ARHGEF33: variants seen among roughly 807,000 people sequenced by gnomAD.
The protein encoded by ARHGEF33 is DH and coiled-coil domain-containing protein ENSP00000381780.
ARHGEF33 carries 72 observed loss-of-function variants against 101.9 expected under a neutral mutation model. The observed-to-expected ratio is 0.71, with a 90% CI of 0.58 to 0.86. The LOEUF is 0.86. ARHGEF33 is among the 40% of genes least tolerant of loss of function. The pLI, the probability that ARHGEF33 is intolerant of heterozygous loss-of-function variation, is 0.00. For synonymous variants in ARHGEF33, 499 were observed against 442.5 expected (o/e 1.13, Z -1.60); for missense variants, 1,169 against 1,111.3 (o/e 1.05, Z -0.74).
chr2:38,957,962 T>G, intron 14 of ARHGEF33, 72 bp from the exon 15 acceptor site: 1 of 1,493,766 alleles, frequency 6.7e-7, no homozygotes, highest in Non-Finnish European at 9.1e-7. Flanking sequence ...TCTATCTTTT[T>G]TGGCATAATA....
At chr2:38,953,807 G>A (rs1374688529) in intron 12 of ARHGEF33, among the ~76,000 whole-genome samples, 2 of 152,176 alleles carry the variant, frequency 1.3e-5, no homozygotes, top group African/African-American at 4.8e-5. Flanking sequence ...GTCTTACTAA[G>A]TTTCTACTTC....
intron 14 of ARHGEF33, among the ~76,000 whole-genome samples, chr2:38,957,350 A>G (rs148563271): frequency 6.6e-6 from 1 of 152,364 alleles, no homozygotes; most frequent in Non-Finnish European, 1.5e-5. Context: ...TCAAAACTGC[A>G]GTTAAAAGAC....
intron 5 of ARHGEF33, 44 bp from the exon 6 acceptor site, chr2:38,929,665 T>A: frequency 1.3e-6 from 2 of 1,517,794 alleles, no homozygotes; most frequent in Non-Finnish European, 1.8e-6. Context: ...TATATACTTT[T>A]ACCCCATGTA....
At chr2:38,929,129 T>C in intron 5 of ARHGEF33, 58 bp downstream of exon 5, 3 of 1,380,528 alleles carry the variant, frequency 2.2e-6, no homozygotes, top group Non-Finnish European at 2.0e-6. Flanking sequence ...GTAACAGCAA[T>C]AGAAAACTTG....
chr2:38,935,737 GGAATGAACGCT>G (rs1294315821), intron 7 of ARHGEF33, 27 bp from the exon 8 acceptor site: 2 of 1,534,128 alleles, frequency 1.3e-6, no homozygotes, highest in Non-Finnish European at 1.8e-6. Flanking sequence ...CCATGTTAGT[GGAATGAACGCT>G]GAATGAATGC....
chr2:38,891,862 G>C (rs1666013170), intron 1 of ARHGEF33, among the ~76,000 whole-genome samples: 1 of 151,756 alleles, frequency 6.6e-6, no homozygotes, highest in Non-Finnish European at 1.5e-5. Flanking sequence ...GGGAGTCATG[G>C]AAGGAAAAAA....
At chr2:38,926,071 A>G (rs1018190166) in intron 4 of ARHGEF33, among the ~76,000 whole-genome samples, 1 of 151,838 alleles carries the variant, frequency 6.6e-6, no homozygotes, top group Admixed American at 6.6e-5. Flanking sequence ...AAGAATTCGG[A>G]CTCCTCTCCC....
At chr2:38,952,622 T>G (rs1304352505) in intron 11 of ARHGEF33, among the ~76,000 whole-genome samples, 1 of 152,228 alleles carries the variant, frequency 6.6e-6, no homozygotes, top group Admixed American at 6.5e-5. Context: ...TTTCACTTTC[T>G]CTCATTAGGG....
intron 17 of ARHGEF33, among the ~76,000 whole-genome samples, chr2:38,971,389 G>A (rs1035442266): frequency 6.6e-5 from 10 of 152,190 alleles, no homozygotes; most frequent in Non-Finnish European, 1.3e-4. Flanking sequence ...GTGTTTGCCT[G>A]TCCCTACAAT....
chr2:38,946,064 A>G (rs574685980), intron 10 of ARHGEF33, among the ~76,000 whole-genome samples: 3 of 152,332 alleles, frequency 2.0e-5, no homozygotes, highest in African/African-American at 7.2e-5. Flanking sequence ...TTCAAAATTC[A>G]GTCTTCCCTC....
At chr2:38,958,997 G>C (rs1389522298) in intron 15 of ARHGEF33, among the ~76,000 whole-genome samples, 1 of 152,158 alleles carries the variant, frequency 6.6e-6, no homozygotes, top group African/African-American at 2.4e-5. Flanking sequence ...CGTCTGCCTC[G>C]GCCTCCCGAA....
chr2:38,892,100 G>A (rs541246412), intron 1 of ARHGEF33, among the ~76,000 whole-genome samples: 5 of 152,158 alleles, frequency 3.3e-5, no homozygotes, highest in East Asian at 3.9e-4. Context: ...GCAGCTAATC[G>A]GATTCTCAAA....
At chr2:38,948,634 G>A (rs1349547668) in intron 10 of ARHGEF33, among the ~76,000 whole-genome samples, 2 of 152,022 alleles carry the variant, frequency 1.3e-5, no homozygotes, top group Non-Finnish European at 2.9e-5. Flanking sequence ...AAAGGAAATC[G>A]ATAATCCAAG....
intron 4 of ARHGEF33, among the ~76,000 whole-genome samples, chr2:38,924,996 A>G (rs1666840321): frequency 6.6e-6 from 1 of 152,210 alleles, no homozygotes; most frequent in Non-Finnish European, 1.5e-5. Context: ...ATAGGATGGG[A>G]TATCATGTAG....
rs1306524149 is a variant in ARHGEF33 at position 38,960,454 on chromosome 2, C to G, written c.2149C>G (p.Pro717Ala). 6 of 1,494,632 alleles carry G rather than the reference C, an allele frequency of 4.0e-6. No individual in the cohort carries two copies. The highest frequency in any genetic ancestry group is 5.3e-6 in the Non-Finnish European group (6 of 1,128,718). 92.6% of individuals were successfully genotyped at this position (1,494,632 alleles called of 1,614,324 possible). The change falls in exon 16 of 18, where the codon CCA becomes GCA. Residue 717 changes from proline to alanine, a missense_variant. Pro to Ala is a conservative substitution (Grantham distance 27). Transcript: ENST00000409978. Reference protein sequence around the residue: ...RSLKEFPRAPPADGVAPRLYS... With the variant: ...RSLKEFPRAPAADGVAPRLYS... ...TCTCAAAGAGTTCCCGCGTGCGCCG[C>G]CAGCCGACGGCGTGGCCCCACGCCT...
rs1446853134 is a variant in ARHGEF33 at position 38,931,140 on chromosome 2, G to A, written c.394G>A (p.Ala132Thr). The change falls in exon 7 of 18, where the codon GCC (alanine) becomes ACC (threonine). Residue 132 changes from alanine (A) to threonine (T), a missense_variant. Ala to Thr is a moderately conservative substitution (Grantham distance 58). Coordinates refer to ENST00000409978, the MANE Select transcript of ARHGEF33 (RefSeq NM_001145451.5). ...TCAAAAAGAAGAGCACAGCTCACAG[G>A]CCGGGCCTGCCCAAGCACAAGGAAG... Reference protein sequence around the residue: ...KTQKEEHSSQAGPAQAQGSPF... With the variant: ...KTQKEEHSSQTGPAQAQGSPF... 3.2e-6 allele frequency: 5 copies of A among 1,551,414 alleles called. No homozygotes were observed. The highest frequency in any genetic ancestry group is 2.0e-5 in the Admixed American group (1 of 50,950).
intron 2 of ARHGEF33, among the ~76,000 whole-genome samples, chr2:38,912,241 G>A (rs1191138862): frequency 3.9e-5 from 6 of 152,318 alleles, no homozygotes; most frequent in African/African-American, 1.2e-4. Context: ...CTTGGTGAGA[G>A]GCATGTGGCA....
At chr2:38,930,685 A>G (rs1188815457) in intron 6 of ARHGEF33, among the ~76,000 whole-genome samples, 3 of 152,208 alleles carry the variant, frequency 2.0e-5, no homozygotes, top group African/African-American at 7.2e-5. Context: ...GAAAATAGAA[A>G]TGTAGGAATA....
intron 1 of ARHGEF33, among the ~76,000 whole-genome samples, chr2:38,893,965 C>G (rs1666064718): frequency 6.6e-6 from 1 of 152,068 alleles, no homozygotes; most frequent in Non-Finnish European, 1.5e-5. Flanking sequence ...AGACTGAAGA[C>G]TGTTGTTAAT....
Sources: allele counts gnomAD v4.1 joint callset (sites outside exome capture counted in the v4.1 genomes callset), GRCh38; gene constraint gnomAD v4.1.1; transcripts MANE v1.5; gene names NCBI Gene and HGNC (gene_info 2026-07-23, HGNC 2026-07-21).